FOXN3: variants seen among roughly 807,000 people sequenced by gnomAD.
The protein encoded by FOXN3 is forkhead box N3.
A neutral mutation model predicts 38.4 loss-of-function variants in FOXN3; 7 were observed. The observed-to-expected ratio is 0.18, with a 90% CI of 0.10 to 0.34. FOXN3 has a LOEUF of 0.34. FOXN3 is among the 10% of genes least tolerant of loss of function. The pLI is 1.00. For synonymous variants in FOXN3, 230 were observed against 242.2 expected, an observed-to-expected ratio of 0.95 and a Z score of 0.47; for missense variants, 456 against 613.4, an observed-to-expected ratio of 0.74 and a Z score of 2.71.
At chr14:89,219,879 A>G (rs8022846) in intron 4 of FOXN3, among the ~76,000 whole-genome samples, 119,171 of 152,154 alleles carry the variant, frequency 0.78, 46,797 homozygotes, top group African/African-American at 0.84. Context: ...GGGATGCAGC[A>G]CTGAGGTATC....
At chr14:89,549,215 C>T (rs191975578) in intron 1 of FOXN3, among the ~76,000 whole-genome samples, 1 of 150,546 alleles carries the variant, frequency 6.6e-6, no homozygotes, top group Non-Finnish European at 1.5e-5. Flanking sequence ...GTTTGAAAGG[C>T]CTTTTGTTTT....
chr14:89,447,720 G>A (rs1892532254), intron 1 of FOXN3, among the ~76,000 whole-genome samples: 1 of 151,716 alleles, frequency 6.6e-6, no homozygotes, highest in South Asian at 2.1e-4. Flanking sequence ...CCAAATCTGG[G>A]TCTCTCTGCT....
chr14:89,544,140 G>C (rs990674599), intron 1 of FOXN3, among the ~76,000 whole-genome samples: 13 of 151,518 alleles, frequency 8.6e-5, no homozygotes, highest in Non-Finnish European at 2.9e-5. Context: ...CTGTCGCCCA[G>C]GCTGGAGTCT....
At position 89,395,824 on chromosome 14, in the gene FOXN3, G is replaced by C. The variant is rs537482882; in HGVS notation, c.543+16110C>G. Among the ~76,000 whole-genome samples the C allele has an allele frequency of 4.6e-5, 7 of 152,208 alleles. No individual in the cohort carries two copies. In the South Asian group the frequency reaches 8.3e-4, roughly 18 times the overall value. On this transcript the variant is annotated intron_variant, in intron 2 of 5. Coordinates refer to ENST00000557258, the MANE Select transcript of FOXN3 (RefSeq NM_005197.4). ...CTGATCTCTAAGGCTGGAGGGGGGG[G>C]AGTTTCAAAGTAAGTCAAAGAACCA...
chr14:89,354,897 A>G (rs1029441515), intron 2 of FOXN3, among the ~76,000 whole-genome samples: 3 of 152,138 alleles, frequency 2.0e-5, no homozygotes, highest in Admixed American at 6.5e-5. Flanking sequence ...TGAGGGCCAC[A>G]CACCATTAAG....
intron 1 of FOXN3, among the ~76,000 whole-genome samples, chr14:89,599,431 T>G (rs555484341): frequency 6.6e-6 from 1 of 152,348 alleles, no homozygotes; most frequent in East Asian, 1.9e-4. Context: ...TTTACAATTT[T>G]CAGTTCTCTG....
In FOXN3 at chr14:89,163,806, A is replaced by G. The variant is rs184433448; in HGVS notation, c.852-837T>C. On this transcript the variant is annotated intron_variant, in intron 5 of 5. Transcript: ENST00000557258. This position sits in a 1 kb window ranked among gnomAD's most constrained non-coding sequence, Gnocchi z 4.3. The stretch of plus-strand genomic sequence containing the variant: ...AGTTCAGTGATGTACTTAAAGTCAC[A>G]CAACTGATCACTTGCGGAGCAGGGA... Among the ~76,000 whole-genome samples, 386 of 152,352 alleles carry G rather than the reference A, an allele frequency of 2.5e-3. 2 individuals carry two copies. The highest frequency in any genetic ancestry group is 8.9e-3 in the African/African-American group (368 of 41,580).
At position 89,554,024 on chromosome 14, in the gene FOXN3, C is replaced by T. The variant is rs147140658; in HGVS notation, c.-15+65004G>A. On this transcript the variant is annotated intron_variant, in intron 1 of 6. Coordinates refer to the FOXN3 transcript ENST00000345097. ...TTTTTTGTTTTGTTTTTTTATTAGACGGAGTCCCGCTCTGTCGCTCAGGCT... is the reference window on the plus strand; with the variant it reads ...TTTTTTGTTTTGTTTTTTTATTAGATGGAGTCCCGCTCTGTCGCTCAGGCT... Among the ~76,000 whole-genome samples the T allele has an allele frequency of 5.1e-3, 769 of 152,120 alleles. 1 individual carries two copies. Among genetic ancestry groups the T allele is most frequent in the Admixed American group, 8.2e-3 (125 of 15,286 alleles).
chr14:89,522,037 A>G (rs551530527), intron 1 of FOXN3, among the ~76,000 whole-genome samples: 14 of 150,872 alleles, frequency 9.3e-5, no homozygotes, highest in African/African-American at 3.4e-4. Context: ...AAGAAAAAAG[A>G]AAGAAAAGAA....
rs1375120433 is a variant in FOXN3 at position 89,311,259 on chromosome 14, T to C, written c.681-30245A>G. Reference sequence around the variant, plus strand: ...AATCCCAGCACTTTGGGAGGCCAGGTCAGGAGTTCGAGACCAGCCTGGCCA... The same window carrying C: ...AATCCCAGCACTTTGGGAGGCCAGGCCAGGAGTTCGAGACCAGCCTGGCCA... On this transcript the variant is annotated intron_variant, in intron 3 of 5. Transcript: ENST00000557258. 2.1e-5 allele frequency among the ~76,000 whole-genome samples: 3 copies of C among 139,558 alleles called. No individual in the cohort carries two copies. In the East Asian group the frequency reaches 6.5e-4, roughly 30 times the overall value. 91.6% of individuals were successfully genotyped at this position (139,558 alleles called of 152,430 possible). A position where few individuals can be genotyped will look rare whatever the true frequency, so the allele number is the denominator to read the frequency against.
chr14:89,479,028 A>G (rs1188610722), intron 1 of FOXN3, among the ~76,000 whole-genome samples: 1 of 151,796 alleles, frequency 6.6e-6, no homozygotes, highest in East Asian at 1.9e-4. Context: ...GACAGTTTAC[A>G]TTATATTCTC....
chr14:89,487,512 A>G (rs1359590301), intron 1 of FOXN3, among the ~76,000 whole-genome samples: 1 of 152,210 alleles, frequency 6.6e-6, no homozygotes, highest in Non-Finnish European at 1.5e-5. Flanking sequence ...GGGCCCAGAA[A>G]TCTGTGTTTT....
At position 89,203,948 on chromosome 14, in the gene FOXN3, C is replaced by T. The variant is rs553517418; in HGVS notation, c.746-23142G>A. Among the ~76,000 whole-genome samples the T allele has an allele frequency of 1.6e-4, 25 of 152,006 alleles. No homozygotes were observed. In the East Asian group the frequency reaches 4.5e-3, roughly 27 times the overall value. On this transcript the variant is annotated intron_variant, in intron 4 of 5. Coordinates refer to ENST00000557258, the MANE Select transcript of FOXN3 (RefSeq NM_005197.4). ...TGCTCCCAGACTAAAAGTCACAAGG[C>T]CACAAGCATAATGTACTACTAAAGC...
rs1482410498 is a variant in FOXN3, at chr14:89,416,863, A to T, written c.-15+8T>A. The T allele has an allele frequency of 6.6e-6, 1 of 151,854 alleles. No individual in the cohort carries two copies. The highest frequency in any genetic ancestry group is 1.5e-5 in the Non-Finnish European group (1 of 67,922). 9.4% of individuals were successfully genotyped at this position (151,854 alleles called of 1,614,324 possible). On this transcript the variant is annotated splice_region_variant and intron_variant, in intron 1 of 5. Coordinates refer to ENST00000557258, the MANE Select transcript of FOXN3 (RefSeq NM_005197.4). Reference sequence around the variant, plus strand: ...GCGGGAGCCGGCAGGAGCGGGGTGCAAACTCACCTGGCCGGAGCGGGGCAC... The same window carrying T: ...GCGGGAGCCGGCAGGAGCGGGGTGCTAACTCACCTGGCCGGAGCGGGGCAC...
intron 1 of FOXN3, among the ~76,000 whole-genome samples, chr14:89,425,432 A>C (rs949900317): frequency 1.3e-5 from 2 of 151,226 alleles, no homozygotes; most frequent in African/African-American, 4.9e-5. Flanking sequence ...CAATGGCTCA[A>C]TCTCGGCTCA....
chr14:89,516,902 CTCT>C (rs1410360105), intron 1 of FOXN3, among the ~76,000 whole-genome samples: 1 of 152,158 alleles, frequency 6.6e-6, no homozygotes, highest in Non-Finnish European at 1.5e-5. Context: ...GGAAAAGATA[CTCT>C]GGCCAACAGT....
At chr14:89,359,967 G>C (rs1889393891) in intron 2 of FOXN3, among the ~76,000 whole-genome samples, 1 of 152,190 alleles carries the variant, frequency 6.6e-6, no homozygotes, top group South Asian at 2.1e-4. Flanking sequence ...AAAGATACTT[G>C]TAACTTTATA....
chr14:89,382,894 G>A (rs1239034927), intron 2 of FOXN3, among the ~76,000 whole-genome samples: 1 of 152,162 alleles, frequency 6.6e-6, no homozygotes, highest in Non-Finnish European at 1.5e-5. Flanking sequence ...TGGAGGAAGT[G>A]CCCTCCTGGG....
At chr14:89,360,354 G>GAA (rs1263005379) in intron 2 of FOXN3, among the ~76,000 whole-genome samples, 1 of 23,218 alleles carries the variant, frequency 4.3e-5, no homozygotes, top group Non-Finnish European at 1.2e-4. Context: ...AAGAGAAAGG[G>GAA]AGGGAGGGAG....
Sources: allele counts gnomAD v4.1 joint callset (sites outside exome capture counted in the v4.1 genomes callset), GRCh38; gene constraint gnomAD v4.1.1; non-coding constraint Gnocchi (gnomAD v3.1); transcripts MANE v1.5; gene names NCBI Gene and HGNC (gene_info 2026-07-23, HGNC 2026-07-21).